Variants in MET observed in about 807,000 individuals in gnomAD.
MET encodes the protein hepatocyte growth factor receptor.
A neutral mutation model predicts 133.1 loss-of-function variants in MET; 48 were observed. The observed-to-expected ratio is 0.36, with a 90% CI of 0.29 to 0.46. The LOEUF (loss-of-function observed/expected upper bound fraction) is 0.46, where lower values mean the gene tolerates loss of function less well. Among genes scored for constraint, MET ranks in the 20% least tolerant of loss-of-function variants. MET has a pLI of 1.00. For synonymous variants in MET, 628 were observed against 616.5 expected (o/e 1.02, Z -0.28); for missense variants, 1,442 against 1,695.9 (o/e 0.85, Z 2.63).
At chr7:116,694,916 ACCACGTGAT>A (rs1439617369) in intron 1 of MET, among the ~76,000 whole-genome samples, 1 of 152,068 alleles carries the variant, frequency 6.6e-6, no homozygotes, top group African/African-American at 2.4e-5. Flanking sequence ...TGATCTCCTG[ACCACGTGAT>A]CCACCCACCT....
At chr7:116,752,062 A>AT (rs1793942989) in intron 5 of MET, among the ~76,000 whole-genome samples, 1 of 152,136 alleles carries the variant, frequency 6.6e-6, no homozygotes, top group Non-Finnish European at 1.5e-5. Flanking sequence ...CTCTGTCTCA[A>AT]TAAAAAAAAA....
At chr7:116,724,861 T>C in intron 2 of MET, 1 of 1,284,644 alleles carries the variant, frequency 7.8e-7, no homozygotes, top group East Asian at 5.6e-5. Context: ...ATGTGAACAC[T>C]CAGTGCCTCA....
chr7:116,764,512 C>T (rs559010763), intron 11 of MET, among the ~76,000 whole-genome samples: 1 of 152,064 alleles, frequency 6.6e-6, no homozygotes, highest in South Asian at 2.1e-4. Flanking sequence ...AATAGTTTTA[C>T]ACTCACAGAA....
At chr7:116,760,953 C>T (rs1794379776) in intron 10 of MET, among the ~76,000 whole-genome samples, 1 of 152,122 alleles carries the variant, frequency 6.6e-6, no homozygotes, top group Admixed American at 6.5e-5. Flanking sequence ...GTTTCATTAA[C>T]CAAATAAGAA....
intron 1 of MET, among the ~76,000 whole-genome samples, chr7:116,677,496 G>A (rs1394942238): frequency 6.6e-6 from 1 of 152,228 alleles, no homozygotes; most frequent in African/African-American, 2.4e-5. Flanking sequence ...TGTATGGCAT[G>A]GGCCCATGTG....
In MET at chr7:116,672,408, C is replaced by G; in HGVS notation, c.-184C>G. ...CCCGGCCGCAGGTGACCCGGAGGCC[C>G]TCGCCGCCCGCGGCGCCCCGAGCGC... On this transcript the variant is annotated 5_prime_UTR_variant, in exon 1 of 21. Coordinates refer to ENST00000397752, the MANE Select transcript of MET (RefSeq NM_000245.4). 2.6e-6 allele frequency: 1 copy of G among 388,928 alleles called. No individual in the cohort carries two copies. The highest frequency in any genetic ancestry group is 4.5e-6 in the Non-Finnish European group (1 of 219,796). The allele number at this position is 388,928 out of a possible 1,614,324, so 24.1% of individuals were successfully genotyped here. A position where few individuals can be genotyped will look rare whatever the true frequency, so the allele number is the denominator to read the frequency against.
In MET at chr7:116,784,733, C is replaced by T. The variant is rs184292390; in HGVS notation, c.3798+1264C>T. Among the ~76,000 whole-genome samples the T allele has an allele frequency of 5.3e-5, 8 of 152,176 alleles. No homozygotes were observed. The East Asian group carries it at 5.8e-4, about 11-fold the overall frequency. On this transcript the variant is annotated intron_variant, in intron 19 of 20. Transcript: ENST00000397752. ...AACACAGAGTCAAACCATATCATTC[C>T]GCCCTAGTTCCTCCCAAATCTCACG...
intron 1 of MET, among the ~76,000 whole-genome samples, chr7:116,695,042 A>G (rs773274779): frequency 2.0e-5 from 3 of 152,198 alleles, no homozygotes; most frequent in Non-Finnish European, 4.4e-5. Flanking sequence ...GACATCAACT[A>G]ACATGCAAAT....
At chr7:116,754,063 A>T (rs1181902482) in intron 5 of MET, among the ~76,000 whole-genome samples, 1 of 152,140 alleles carries the variant, frequency 6.6e-6, no homozygotes, top group Non-Finnish European at 1.5e-5. Context: ...TGAGCCCAGG[A>T]GTTTGAGGCT....
At position 116,796,518 on chromosome 7, in the gene MET, A is replaced by G. The variant is rs1584979209; in HGVS notation, c.*394A>G. Reference sequence around the variant, plus strand: ...TGCTCAGGACAGGAGCGGCAGCCCCAGAACAGGCCACTCATTTAGAATTCT... The same window carrying G: ...TGCTCAGGACAGGAGCGGCAGCCCCGGAACAGGCCACTCATTTAGAATTCT... On this transcript the variant is annotated 3_prime_UTR_variant, in exon 21 of 21. Coordinates refer to ENST00000397752, the MANE Select transcript of MET (RefSeq NM_000245.4). The G allele has an allele frequency of 1.4e-5, 5 of 352,962 alleles. No homozygotes were observed. The highest frequency in any genetic ancestry group is 4.5e-5 in the East Asian group (1 of 22,238). The allele number at this position is 352,962 out of a possible 1,614,324, so 21.9% of individuals were successfully genotyped here.
At position 116,728,134 on chromosome 7, in the gene MET, A is replaced by G. The variant is rs568600369; in HGVS notation, c.1201-3534A>G. On this transcript the variant is annotated intron_variant, in intron 2 of 20. Transcript: ENST00000397752. ...AACACCTCTTCTGCAGATCTCAGCTATGGAGAAAATGAAAAAGAAAAAGGT... is the reference window on the plus strand; with the variant it reads ...AACACCTCTTCTGCAGATCTCAGCTGTGGAGAAAATGAAAAAGAAAAAGGT... Among the ~76,000 whole-genome samples the G allele has an allele frequency of 9.2e-5, 14 of 152,340 alleles. No homozygotes were observed. In the South Asian group the frequency reaches 1.5e-3, roughly 16 times the overall value.
intron 2 of MET, among the ~76,000 whole-genome samples, chr7:116,703,008 A>G (rs994168985): frequency 2.6e-5 from 4 of 152,140 alleles, no homozygotes; most frequent in African/African-American, 9.7e-5. Context: ...TGTCTATGCA[A>G]ACTCTTCACA....
chr7:116,777,534 T>C (rs1183274203), intron 16 of MET, 65 bp downstream of exon 16: 5 of 1,427,588 alleles, frequency 3.5e-6, no homozygotes, highest in African/African-American at 1.4e-5. Context: ...AAATAGCTTA[T>C]AATAAAACGT....
chr7:116,705,609 T>C (rs1043338874), intron 2 of MET, among the ~76,000 whole-genome samples: 1 of 152,184 alleles, frequency 6.6e-6, no homozygotes, highest in African/African-American at 2.4e-5. Context: ...ATATTAAATA[T>C]CTTGGCCATA....
At chr7:116,716,460 AAAG>A (rs1205484398) in intron 2 of MET, among the ~76,000 whole-genome samples, 1 of 141,758 alleles carries the variant, frequency 7.1e-6, no homozygotes, top group African/African-American at 2.7e-5. Flanking sequence ...AAAAGAAAAG[AAAG>A]AAAGAGAAAG....
chr7:116,730,652 G>A (rs1217950288), intron 2 of MET, among the ~76,000 whole-genome samples: 1 of 152,142 alleles, frequency 6.6e-6, no homozygotes, highest in Admixed American at 6.5e-5. Context: ...GTTGGGAATT[G>A]GTGATGGACT....
chr7:116,702,251 A>T (rs1188499050), intron 2 of MET, among the ~76,000 whole-genome samples: 1 of 152,188 alleles, frequency 6.6e-6, no homozygotes, highest in East Asian at 1.9e-4. Context: ...TTGCCAACAT[A>T]GTCTTCTTAC....
intron 1 of MET, among the ~76,000 whole-genome samples, chr7:116,680,357 G>T (rs1246535788): frequency 6.6e-6 from 1 of 152,138 alleles, no homozygotes; most frequent in Admixed American, 6.6e-5. Context: ...CCAATGTAAA[G>T]GTCTCACAAC....
chr7:116,759,654 C>A, intron 10 of MET, 164 bp downstream of exon 10: 1 of 796,792 alleles, frequency 1.3e-6, no homozygotes, highest in South Asian at 1.5e-5. Context: ...CTGAAATTAT[C>A]TAGAGTCTTG....
Sources: gnomAD v4.1 joint callset for allele counts (sites outside exome capture counted in the v4.1 genomes callset) on GRCh38, gnomAD v4.1.1 for gene constraint, MANE v1.5 for transcripts, NCBI Gene and HGNC (gene_info 2026-07-23, HGNC 2026-07-21) for gene names.